EPHA6: variants seen among roughly 807,000 people sequenced by gnomAD.
EPHA6 encodes the protein EPH receptor A6, also known as ephrin type-A receptor 6.
Under a neutral mutation model 112.0 loss-of-function variants are expected in EPHA6, and 50 were observed. That is an observed-to-expected ratio of 0.45 (90% CI 0.36 to 0.56). The LOEUF (loss-of-function observed/expected upper bound fraction) is 0.56, where lower values mean the gene tolerates loss of function less well. Among genes scored for constraint, EPHA6 ranks in the 20% least tolerant of loss-of-function variants. The pLI, the probability that EPHA6 is intolerant of heterozygous loss-of-function variation, is 0.00. For synonymous variants in EPHA6, 529 were observed against 490.7 expected (o/e 1.08, Z -1.03); for missense variants, 1,280 against 1,417.4 (o/e 0.90, Z 1.56).
intron 5 of EPHA6, among the ~76,000 whole-genome samples, chr3:97,387,253 C>T (rs1187295381): frequency 2.0e-5 from 3 of 151,948 alleles, no homozygotes; most frequent in African/African-American, 7.3e-5. Context: ...TCCTTTCTAC[C>T]ACATGATGGG....
intron 6 of EPHA6, among the ~76,000 whole-genome samples, chr3:97,407,373 C>A (rs1365906463): frequency 6.6e-6 from 1 of 151,774 alleles, no homozygotes; most frequent in East Asian, 1.9e-4. Flanking sequence ...CACACACACA[C>A]ACCTTTTTAA....
intron 13 of EPHA6, among the ~76,000 whole-genome samples, chr3:97,615,267 A>C (rs2093755811): frequency 6.6e-6 from 1 of 151,824 alleles, no homozygotes; most frequent in Admixed American, 6.6e-5. Context: ...TTGCGAACCC[A>C]CTCCACCAGG....
chr3:96,926,183 C>G (rs551520010), intron 2 of EPHA6, among the ~76,000 whole-genome samples: 3 of 151,982 alleles, frequency 2.0e-5, no homozygotes, highest in Non-Finnish European at 4.4e-5. Flanking sequence ...TGGCAGCAGG[C>G]GAGAGAGTGA....
chr3:97,548,034 C>T (rs1195989383), intron 11 of EPHA6, among the ~76,000 whole-genome samples: 1 of 152,166 alleles, frequency 6.6e-6, no homozygotes, highest in African/African-American at 2.4e-5. Flanking sequence ...TGACGCCTCG[C>T]CCTGCTTTGG....
At chr3:97,267,980 T>C (rs1055651587) in intron 5 of EPHA6, among the ~76,000 whole-genome samples, 12 of 152,184 alleles carry the variant, frequency 7.9e-5, no homozygotes, top group African/African-American at 2.9e-4. Context: ...TTTTCTCTTA[T>C]AACAAGAACA....
rs889689265 is a variant in EPHA6, at chr3:97,751,289, T to C, written c.*2588T>C. Among the ~76,000 whole-genome samples, 1 of 152,136 alleles carries C rather than the reference T, an allele frequency of 6.6e-6. No individual in the cohort carries two copies. Among genetic ancestry groups the C allele is most frequent in the Non-Finnish European group, 1.5e-5 (1 of 67,986 alleles). On this transcript the variant is annotated 3_prime_UTR_variant, in exon 18 of 18. Coordinates refer to ENST00000389672, the MANE Select transcript of EPHA6 (RefSeq NM_001080448.3). The stretch of plus-strand genomic sequence containing the variant: ...TTTAAAATGTCTGATGATCCTATTC[T>C]ACATCTGGTTAATTTGTACTTATTT...
intron 2 of EPHA6, among the ~76,000 whole-genome samples, chr3:96,935,848 A>G (rs2107669134): frequency 6.6e-6 from 1 of 151,600 alleles, no homozygotes; most frequent in Non-Finnish European, 1.5e-5. Context: ...AGTTAATTCA[A>G]TGTATTTATA....
chr3:96,948,012 C>T (rs1254165754), intron 2 of EPHA6, among the ~76,000 whole-genome samples: 14 of 152,100 alleles, frequency 9.2e-5, no homozygotes, highest in Admixed American at 2.0e-4. Context: ...TACAGGGCTA[C>T]GATAGCTCAT....
chr3:97,592,860 A>T (rs2093557694), intron 12 of EPHA6, 123 bp downstream of exon 12: 1 of 1,140,026 alleles, frequency 8.8e-7, no homozygotes, highest in Non-Finnish European at 1.2e-6. Flanking sequence ...AATGTAAGTG[A>T]CTGCTTAAAT....
intron 3 of EPHA6, among the ~76,000 whole-genome samples, chr3:97,184,269 A>C (rs764507294): frequency 1.3e-5 from 2 of 152,130 alleles, no homozygotes; most frequent in Non-Finnish European, 2.9e-5. Context: ...CAACTTTCCA[A>C]TCAACAGTTT....
At chr3:97,240,998 C>T (rs2108575252) in intron 4 of EPHA6, among the ~76,000 whole-genome samples, 1 of 151,644 alleles carries the variant, frequency 6.6e-6, no homozygotes, top group East Asian at 1.9e-4. Flanking sequence ...TCATAGCACA[C>T]CTGGCCTCTG....
At chr3:97,250,722 A>C (rs1053586825) in intron 5 of EPHA6, among the ~76,000 whole-genome samples, 1 of 152,208 alleles carries the variant, frequency 6.6e-6, no homozygotes, top group East Asian at 1.9e-4. Context: ...TTTTCAATAT[A>C]GTTCTTTGTT....
At chr3:97,000,371 A>G (rs752094751) in intron 3 of EPHA6, among the ~76,000 whole-genome samples, 1 of 150,506 alleles carries the variant, frequency 6.6e-6, no homozygotes, top group Non-Finnish European at 1.5e-5. Context: ...TATATATTTT[A>G]TATATATATA....
intron 7 of EPHA6, among the ~76,000 whole-genome samples, chr3:97,452,927 C>A (rs904047591): frequency 1.3e-5 from 2 of 151,428 alleles, no homozygotes; most frequent in African/African-American, 4.8e-5. Flanking sequence ...GTTGACATCA[C>A]CAGTAATATT....
intron 2 of EPHA6, among the ~76,000 whole-genome samples, chr3:96,928,569 C>T (rs1002636103): frequency 3.3e-5 from 5 of 151,958 alleles, no homozygotes; most frequent in African/African-American, 9.7e-5. Context: ...AAGTGCCGTG[C>T]GGTGATGAGA....
intron 14 of EPHA6, among the ~76,000 whole-genome samples, chr3:97,679,803 T>G (rs1273061114): frequency 6.6e-6 from 1 of 152,162 alleles, no homozygotes; most frequent in Non-Finnish European, 1.5e-5. Flanking sequence ...TTGTTCAGTA[T>G]TACACTCTTG....
intron 2 of EPHA6, among the ~76,000 whole-genome samples, chr3:96,947,788 A>G (rs146219349): frequency 1.7e-3 from 252 of 152,336 alleles, no homozygotes; most frequent in African/African-American, 5.6e-3. Context: ...GCTCATGGAT[A>G]GGAAGAATCA....
At position 97,755,448 on chromosome 3, in the gene EPHA6, T is replaced by C. The variant is rs2036003886; in HGVS notation, c.*6747T>C. Among the ~76,000 whole-genome samples the C allele has an allele frequency of 6.6e-6, 1 of 152,146 alleles. No individual in the cohort carries two copies. The highest frequency in any genetic ancestry group is 2.4e-5 in the African/African-American group (1 of 41,452). ...TCATTTCTGGTTAGATAATAAGTTA[T>C]AATCTCAACAAATCAGAACAACTGA... is the stretch of plus-strand genomic sequence containing the variant. On this transcript the variant is annotated 3_prime_UTR_variant, in exon 18 of 18. Coordinates refer to ENST00000389672, the MANE Select transcript of EPHA6 (RefSeq NM_001080448.3).
At chr3:97,441,268 T>C (rs2090123546) in intron 6 of EPHA6, 1 of 155,134 alleles carries the variant, frequency 6.4e-6, no homozygotes, top group African/African-American at 2.4e-5. Flanking sequence ...TATGAACAAG[T>C]GTTAACAGGA....
Sources: allele counts gnomAD v4.1 joint callset (sites outside exome capture counted in the v4.1 genomes callset), GRCh38; gene constraint gnomAD v4.1.1; transcripts MANE v1.5; gene names NCBI Gene and HGNC (gene_info 2026-07-23, HGNC 2026-07-21).